MNAT1: variants seen among roughly 807,000 people sequenced by gnomAD.
MNAT1 encodes CDK-activating kinase assembly factor MAT1.
A neutral mutation model predicts 42.0 loss-of-function variants in MNAT1; 43 were observed. The observed-to-expected ratio is 1.02, with a 90% confidence interval of 0.80 to 1.32. MNAT1 has a LOEUF of 1.32. MNAT1 is among the 40% of genes most tolerant of loss of function. The probability of loss-of-function intolerance (pLI) is 0.00; values close to 1 mark genes in which losing one functional copy is unlikely to be tolerated. For missense variants in MNAT1, 306 were observed against 350.4 expected, an observed-to-expected ratio of 0.87 and a Z score of 1.01; for synonymous variants, 118 against 120.0, an observed-to-expected ratio of 0.98 and a Z score of 0.11.
chr14:60,803,917 C>G (rs1205998416), intron 3 of MNAT1, among the ~76,000 whole-genome samples: 1 of 151,746 alleles, frequency 6.6e-6, no homozygotes. Flanking sequence ...ACAATAGACT[C>G]TTTTCTGTGG....
chr14:60,848,530 G>A (rs1369411613), intron 6 of MNAT1, among the ~76,000 whole-genome samples: 1 of 152,050 alleles, frequency 6.6e-6, no homozygotes, highest in Non-Finnish European at 1.5e-5. Context: ...TTATTGCCAT[G>A]TAATTCAATA....
At chr14:60,745,114 A>G (rs1263277054) in intron 1 of MNAT1, among the ~76,000 whole-genome samples, 2 of 152,132 alleles carry the variant, frequency 1.3e-5, no homozygotes, top group Non-Finnish European at 2.9e-5. Context: ...CACAATCACT[A>G]TTCCCTTGTT....
intron 6 of MNAT1, among the ~76,000 whole-genome samples, chr14:60,823,251 A>T (rs903852775): frequency 2.6e-5 from 4 of 152,218 alleles, no homozygotes; most frequent in Non-Finnish European, 5.9e-5. Flanking sequence ...CTCTCCCTTT[A>T]GCTATCCCTG....
At chr14:60,813,541 G>C (rs542433370) in intron 5 of MNAT1, among the ~76,000 whole-genome samples, 35 of 152,120 alleles carry the variant, frequency 2.3e-4, no homozygotes, top group Non-Finnish European at 4.0e-4. Context: ...TAGGAAACTG[G>C]CACAGCACTG....
intron 1 of MNAT1, among the ~76,000 whole-genome samples, chr14:60,778,605 A>G (rs2031334699): frequency 6.6e-6 from 1 of 152,208 alleles, no homozygotes; most frequent in Non-Finnish European, 1.5e-5. Flanking sequence ...CGGGATCTTG[A>G]GTAATATTGT....
intron 5 of MNAT1, 34 bp downstream of exon 5, chr14:60,812,161 C>T: frequency 6.7e-7 from 1 of 1,488,154 alleles, no homozygotes. Context: ...TTGTAAAAAA[C>T]ATTCTTCAGG....
At chr14:60,876,892 G>C (rs919756312) in intron 6 of MNAT1, among the ~76,000 whole-genome samples, 1 of 151,928 alleles carries the variant, frequency 6.6e-6, no homozygotes, top group African/African-American at 2.4e-5. Flanking sequence ...CTGTAAATAT[G>C]CATTGGTGTA....
intron 1 of MNAT1, among the ~76,000 whole-genome samples, chr14:60,783,827 C>T (rs1264194815): frequency 6.6e-6 from 1 of 151,440 alleles, no homozygotes; most frequent in Non-Finnish European, 1.5e-5. Context: ...AAATAAAGAG[C>T]AAAATATTTA....
At chr14:60,909,293 G>A (rs545212434) in intron 7 of MNAT1, among the ~76,000 whole-genome samples, 145 of 152,064 alleles carry the variant, frequency 9.5e-4, no homozygotes, top group African/African-American at 3.0e-3. Context: ...CTCTGATGGT[G>A]GTTTCTTTTG....
intron 6 of MNAT1, among the ~76,000 whole-genome samples, chr14:60,840,836 T>C (rs963978740): frequency 3.9e-5 from 6 of 152,138 alleles, no homozygotes; most frequent in African/African-American, 1.4e-4. Context: ...GCTAATTCTT[T>C]GTATTTTTAG....
In MNAT1 at chr14:60,740,344, T is replaced by C. The variant is rs758500166; in HGVS notation, c.89+5393T>C. On this transcript the variant is annotated intron_variant, in intron 1 of 7. Coordinates refer to ENST00000261245, the MANE Select transcript of MNAT1 (RefSeq NM_002431.4). This position sits in a 1 kb window ranked among gnomAD's most constrained non-coding sequence, Gnocchi z 4.1. ...ACTTAACATCTTTCTCTTTCTTTTT[T>C]TCCCTTTTTTTTCTGTTCTCCTATT... Among the ~76,000 whole-genome samples the C allele has an allele frequency of 1.3e-5, 2 of 152,208 alleles. No homozygotes were observed. The highest frequency in any genetic ancestry group is 4.8e-5 in the African/African-American group (2 of 41,464).
At chr14:60,893,692 T>C (rs2034891295) in intron 7 of MNAT1, among the ~76,000 whole-genome samples, 1 of 152,116 alleles carries the variant, frequency 6.6e-6, no homozygotes, top group Admixed American at 6.6e-5. Context: ...GCCACCTTGC[T>C]TTTAGTGTGA....
chr14:60,818,711 T>C lies in MNAT1; in HGVS notation c.562-11T>C. 1 of 1,566,318 alleles carries C rather than the reference T, an allele frequency of 6.4e-7. No homozygotes were observed. The highest frequency in any genetic ancestry group is 1.2e-5 in the South Asian group (1 of 81,754). ...TTTACATTTCTTATTGAACTTGAAC[T>C]ATTCTTACAGGAGAGTTCTGATCTC... On this transcript the variant is annotated splice_polypyrimidine_tract_variant and intron_variant, in intron 5 of 7. Transcript: ENST00000261245.
At chr14:60,748,822 A>G (rs2029944887) in intron 1 of MNAT1, among the ~76,000 whole-genome samples, 1 of 152,222 alleles carries the variant, frequency 6.6e-6, no homozygotes, top group African/African-American at 2.4e-5. Flanking sequence ...TAAAATAACA[A>G]TTAAGAAGTC....
chr14:60,954,943 T>C (rs2036455645), intron 7 of MNAT1, among the ~76,000 whole-genome samples: 1 of 152,168 alleles, frequency 6.6e-6, no homozygotes, highest in African/African-American at 2.4e-5. Flanking sequence ...ACGTTGAATT[T>C]TGTTAAATGC....
At chr14:60,942,572 T>C (rs2036190177) in intron 7 of MNAT1, among the ~76,000 whole-genome samples, 1 of 152,120 alleles carries the variant, frequency 6.6e-6, no homozygotes, top group Non-Finnish European at 1.5e-5. Flanking sequence ...TTGACAGTTA[T>C]TAAAACAGTA....
At chr14:60,903,861 G>GT in intron 7 of MNAT1, among the ~76,000 whole-genome samples, 1 of 135,318 alleles carries the variant, frequency 7.4e-6, no homozygotes, top group South Asian at 2.3e-4. Context: ...TGCTACCCAT[G>GT]TAAGTTTTTT....
intron 6 of MNAT1, among the ~76,000 whole-genome samples, chr14:60,857,937 G>A (rs1242757289): frequency 6.6e-6 from 1 of 152,174 alleles, no homozygotes; most frequent in Non-Finnish European, 1.5e-5. Flanking sequence ...GTATTCCATG[G>A]TGTATATGTG....
At position 60,969,483 on chromosome 14, in the gene MNAT1, A is replaced by G. The variant is rs2036742367; in HGVS notation, c.*1134A>G. ...TAATTAATTTTAGCAATACATCTTCATCTTTATTGTACTTCTATCTTTGTT... is the reference window on the plus strand; with the variant it reads ...TAATTAATTTTAGCAATACATCTTCGTCTTTATTGTACTTCTATCTTTGTT... On this transcript the variant is annotated 3_prime_UTR_variant, in exon 8 of 8. Coordinates refer to ENST00000261245, the MANE Select transcript of MNAT1 (RefSeq NM_002431.4). 1 of 152,168 alleles carries G rather than the reference A, an allele frequency of 6.6e-6. No individual in the cohort carries two copies. 9.4% of individuals were successfully genotyped at this position (152,168 alleles called of 1,614,324 possible). A position where few individuals can be genotyped will look rare whatever the true frequency, so the allele number is the denominator to read the frequency against.
Sources: allele counts gnomAD v4.1 joint callset (sites outside exome capture counted in the v4.1 genomes callset), GRCh38; gene constraint gnomAD v4.1.1; non-coding constraint Gnocchi (gnomAD v3.1); transcripts MANE v1.5; gene names NCBI Gene and HGNC (gene_info 2026-07-23, HGNC 2026-07-21).